Variants in DNMT3A observed in about 807,000 individuals in gnomAD.
DNMT3A encodes the protein DNA methyltransferase 3 alpha.
DNMT3A carries 267 observed loss-of-function variants against 117.6 expected under a neutral mutation model. That is an observed-to-expected ratio of 2.27 (90% CI 2.05 to 2.51). The LOEUF (loss-of-function observed/expected upper bound fraction) is 2.51, where lower values mean the gene tolerates loss of function less well. Among genes scored for constraint, DNMT3A ranks in the 30% most tolerant of loss-of-function variants. DNMT3A has a pLI of 0.00. For synonymous variants in DNMT3A, 432 were observed against 474.8 expected (o/e 0.91, Z 1.17); for missense variants, 1,029 against 1,260.2 (o/e 0.82, Z 2.78).
At chr2:25,260,778 G>A (rs556083723) in intron 6 of DNMT3A, among the ~76,000 whole-genome samples, 3 of 152,268 alleles carry the variant, frequency 2.0e-5, no homozygotes, top group South Asian at 4.1e-4. Context: ...GCCTGGGAGG[G>A]AGTGCGGACT....
chr2:25,235,213 A>T (rs1490280040), intron 22 of DNMT3A, among the ~76,000 whole-genome samples: 5 of 149,812 alleles, frequency 3.3e-5, no homozygotes, highest in African/African-American at 9.9e-5. Flanking sequence ...TTGAGATGGA[A>T]TCTCTCTGTT....
At chr2:25,271,470 GCC>G (rs2030900054) in intron 6 of DNMT3A, among the ~76,000 whole-genome samples, 2 of 152,324 alleles carry the variant, frequency 1.3e-5, no homozygotes, top group East Asian at 3.9e-4. Context: ...CCTGCATCTA[GCC>G]CCTTCCTAAC....
chr2:25,300,029 G>A, intron 3 of DNMT3A, 110 bp downstream of exon 3: 3 of 1,125,582 alleles, frequency 2.7e-6, no homozygotes, highest in Non-Finnish European at 3.7e-6. Flanking sequence ...CCCATCACCT[G>A]GTCTTAAATG....
rs1219085590 is a variant in DNMT3A, at chr2:25,304,451, T to A, written c.73-4208A>T. Among the ~76,000 whole-genome samples, 11 of 152,006 alleles carry A rather than the reference T, an allele frequency of 7.2e-5. No homozygotes were observed. Among genetic ancestry groups the A allele is most frequent in the Admixed American group, 2.0e-4 (3 of 15,256 alleles). The stretch of plus-strand genomic sequence containing the variant: ...TCCCACTCCATCCTCCCCATCCCCC[T>A]CTCCCTGCCTCGTGCAAATCCCAGC... On this transcript the variant is annotated intron_variant, in intron 2 of 22. Coordinates refer to ENST00000321117, the MANE Select transcript of DNMT3A (RefSeq NM_022552.5). This position sits in a 1 kb window ranked among gnomAD's most constrained non-coding sequence, Gnocchi z 4.3.
At chr2:25,322,596 T>C (rs2034638080) in intron 1 of DNMT3A, among the ~76,000 whole-genome samples, 1 of 148,668 alleles carries the variant, frequency 6.7e-6, no homozygotes, top group Non-Finnish European at 1.5e-5. Context: ...AAGAGCTACA[T>C]CTCCACCATC....
Position 25,247,423 on chromosome 2 carries a change from G to T in DNMT3A, c.1014+168C>A. 1 of 1,113,350 alleles carries T rather than the reference G, an allele frequency of 9.0e-7. No individual in the cohort carries two copies. The highest frequency in any genetic ancestry group is 1.3e-6 in the Non-Finnish European group (1 of 794,832). The allele number at this position is 1,113,350 out of a possible 1,614,324, so 69.0% of individuals were successfully genotyped here. ...AGCATCCTAGCTCTCTGAGCCACAGGTGCAACCTAATTATCCCTACAGCTT... is the reference window on the plus strand; with the variant it reads ...AGCATCCTAGCTCTCTGAGCCACAGTTGCAACCTAATTATCCCTACAGCTT... On this transcript the variant is annotated intron_variant, in intron 8 of 22. Transcript: ENST00000321117. The surrounding 1 kb of genome is among the most constrained non-coding windows in gnomAD (Gnocchi z 5.6).
chr2:25,310,802 T>A (rs1199821336), intron 2 of DNMT3A, among the ~76,000 whole-genome samples: 3 of 152,138 alleles, frequency 2.0e-5, no homozygotes. Flanking sequence ...CGCAACAGTA[T>A]CCCCTGGAGG....
Position 25,236,933 on chromosome 2 carries a change from G to A in DNMT3A, c.2478+3C>T. 2.5e-6 allele frequency: 4 copies of A among 1,612,416 alleles called. No homozygotes were observed. In the African/African-American group the frequency reaches 4.0e-5, roughly 16 times the overall value. ...AGCAGAGGTTCTAGACGCTGGAGCTGACCTTGGCTATCCTGCCATGCTCCA... is the reference window on the plus strand; with the variant it reads ...AGCAGAGGTTCTAGACGCTGGAGCTAACCTTGGCTATCCTGCCATGCTCCA... On this transcript the variant is annotated splice_donor_region_variant and intron_variant, in intron 21 of 22. Coordinates refer to ENST00000321117, the MANE Select transcript of DNMT3A (RefSeq NM_022552.5). This position sits in a 1 kb window ranked among gnomAD's most constrained non-coding sequence, Gnocchi z 4.5.
At chr2:25,283,070 A>G (rs756317855) in intron 3 of DNMT3A, among the ~76,000 whole-genome samples, 60 of 152,300 alleles carry the variant, frequency 3.9e-4, no homozygotes, top group Non-Finnish European at 7.5e-4. Context: ...CTGTTAAAAA[A>G]GAAATGCTCC....
chr2:25,319,469 A>G (rs1414831460), intron 1 of DNMT3A, among the ~76,000 whole-genome samples: 1 of 152,160 alleles, frequency 6.6e-6, no homozygotes, highest in African/African-American at 2.4e-5. Flanking sequence ...ACATCTTCAG[A>G]CATATGAGGC....
At chr2:25,262,835 C>T (rs1006759485) in intron 6 of DNMT3A, among the ~76,000 whole-genome samples, 4 of 152,216 alleles carry the variant, frequency 2.6e-5, no homozygotes, top group African/African-American at 7.2e-5. Context: ...CCTCCCTAAC[C>T]CCTGCACCCT....
intron 2 of DNMT3A, among the ~76,000 whole-genome samples, chr2:25,301,430 G>A (rs549324572): frequency 6.6e-6 from 1 of 152,296 alleles, no homozygotes; most frequent in South Asian, 2.1e-4. Context: ...CTGTCAGCCT[G>A]CAGGAGGATC....
chr2:25,303,590 C>G (rs747274237), intron 2 of DNMT3A, among the ~76,000 whole-genome samples: 9 of 152,252 alleles, frequency 5.9e-5, no homozygotes, highest in Non-Finnish European at 1.2e-4. Context: ...AGGAGCTTTA[C>G]GGCTGGCCCA....
intron 1 of DNMT3A, among the ~76,000 whole-genome samples, chr2:25,326,348 A>G (rs142826991): frequency 6.6e-6 from 1 of 152,298 alleles, no homozygotes; most frequent in African/African-American, 2.4e-5. Flanking sequence ...CAAAAGGGTG[A>G]GAATTTCATA....
Position 25,237,152 on chromosome 2 carries a change from C to T in DNMT3A, c.2409-147G>A. ...CAAATCACGCACACACGTCATAACTCTCTTCAAACTCCCCGCAAACACACG... is the reference window on the plus strand; with the variant it reads ...CAAATCACGCACACACGTCATAACTTTCTTCAAACTCCCCGCAAACACACG... On this transcript the variant is annotated intron_variant, in intron 20 of 22. Coordinates refer to ENST00000321117, the MANE Select transcript of DNMT3A (RefSeq NM_022552.5). This position sits in a 1 kb window ranked among gnomAD's most constrained non-coding sequence, Gnocchi z 5.4. 1.5e-6 allele frequency: 1 copy of T among 678,508 alleles called. No individual in the cohort carries two copies. The highest frequency in any genetic ancestry group is 2.5e-6 in the Non-Finnish European group (1 of 404,342). The allele number at this position is 678,508 out of a possible 1,614,324, so 42.0% of individuals were successfully genotyped here.
chr2:25,265,212 G>A (rs1461631751), intron 6 of DNMT3A, among the ~76,000 whole-genome samples: 2 of 152,244 alleles, frequency 1.3e-5, no homozygotes, highest in Non-Finnish European at 2.9e-5. Flanking sequence ...AGGGACCTGA[G>A]CCTCCTGGCA....
chr2:25,236,956 CCA>C lies in DNMT3A; in HGVS notation c.2456_2457del (p.Leu819ArgfsTer35), dbSNP rs1673437165. The C allele has an allele frequency of 1.2e-6, 2 of 1,613,434 alleles. No individual in the cohort carries two copies. Among genetic ancestry groups the C allele is most frequent in the African/African-American group, 1.3e-5 (1 of 74,920 alleles). ...VNDKLELQECLEHGRIAKFSK... is the reference protein window; with the variant it reads ...VNDKLELQECXEHGRIAKFSK... ...CTGACCTTGGCTATCCTGCCATGCT[CCA>C]GACACTCCTGCAGCTCCAGCTTATC... On this transcript the variant is annotated frameshift_variant, in exon 21 of 23. Coordinates refer to ENST00000321117, the MANE Select transcript of DNMT3A (RefSeq NM_022552.5). LOFTEE classifies it high-confidence loss of function. The surrounding 1 kb of genome is among the most constrained non-coding windows in gnomAD (Gnocchi z 4.5).
intron 16 of DNMT3A, chr2:25,241,911 T>A: frequency 1.6e-6 from 1 of 628,046 alleles, no homozygotes; most frequent in Non-Finnish European, 2.6e-6. Flanking sequence ...TCATGCCTCG[T>A]TTGGCCTATC....
chr2:25,290,177 C>A (rs1478635461), intron 3 of DNMT3A, among the ~76,000 whole-genome samples: 1 of 152,098 alleles, frequency 6.6e-6, no homozygotes, highest in African/African-American at 2.4e-5. Flanking sequence ...GAGACAAGGT[C>A]TCACTCTGCT....
Sources: allele counts gnomAD v4.1 joint callset (sites outside exome capture counted in the v4.1 genomes callset), GRCh38; gene constraint gnomAD v4.1.1; non-coding constraint Gnocchi (gnomAD v3.1); transcripts MANE v1.5; gene names NCBI Gene and HGNC (gene_info 2026-07-23, HGNC 2026-07-21).